The following MRE11 variants were observed in gnomAD, a reference collection of about 807,000 sequenced individuals.
MRE11 encodes MRE11 double strand break repair nuclease, also known as double-strand break repair protein MRE11.
In MRE11, 62 loss-of-function variants were observed where a neutral mutation model predicts 91.7. That is an observed-to-expected ratio of 0.68 (90% confidence interval 0.55 to 0.84). MRE11 has a LOEUF of 0.84. Ranked by LOEUF, MRE11 falls within the 40% of genes least tolerant of loss-of-function variation. The pLI is 0.00. For missense variants in MRE11, 796 were observed against 852.9 expected, an observed-to-expected ratio of 0.93 and a Z score of 0.83; for synonymous variants, 273 against 271.4, an observed-to-expected ratio of 1.01 and a Z score of -0.06.
chr11:94,451,922 C>T (rs1013578567), intron 14 of MRE11, among the ~76,000 whole-genome samples: 1 of 151,968 alleles, frequency 6.6e-6, no homozygotes, highest in African/African-American at 2.4e-5. Flanking sequence ...AGACCAATAC[C>T]CGGCCAGGCG....
chr11:94,500,477 A>T, the MRE11 span, among the ~76,000 whole-genome samples: 1 of 152,218 alleles, frequency 6.6e-6, no homozygotes, highest in African/African-American at 2.4e-5. Flanking sequence ...CTTTGAAAGG[A>T]TTACTTCTAC....
intron 4 of MRE11, among the ~76,000 whole-genome samples, chr11:94,484,344 TCA>T (rs2135115015): frequency 6.6e-6 from 1 of 152,334 alleles, no homozygotes; most frequent in East Asian, 1.9e-4. Flanking sequence ...AATTAGAATA[TCA>T]CAGTTATAAC....
At chr11:94,505,414 T>A in the MRE11 span, among the ~76,000 whole-genome samples, 1 of 152,184 alleles carries the variant, frequency 6.6e-6, no homozygotes, top group Non-Finnish European at 1.5e-5. Context: ...TGTGTTTATG[T>A]CTTTGTTTTT....
intron 14 of MRE11, among the ~76,000 whole-genome samples, chr11:94,453,524 A>G (rs1396123722): frequency 6.6e-6 from 1 of 152,160 alleles, no homozygotes; most frequent in Non-Finnish European, 1.5e-5. Context: ...ATGGGTGTGA[A>G]GTGGTATCTC....
At chr11:94,468,862 T>C (rs950039562) in intron 9 of MRE11, among the ~76,000 whole-genome samples, 4 of 152,170 alleles carry the variant, frequency 2.6e-5, no homozygotes, top group African/African-American at 9.6e-5. Flanking sequence ...TGAATACATA[T>C]CAGACAGCAC....
intron 19 of MRE11, among the ~76,000 whole-genome samples, chr11:94,427,307 A>C (rs573608923): frequency 6.6e-6 from 1 of 152,330 alleles, no homozygotes; most frequent in Admixed American, 6.5e-5. Flanking sequence ...TGATCACTTC[A>C]ACAGACACAG....
intron 13 of MRE11, among the ~76,000 whole-genome samples, chr11:94,459,172 G>C (rs1461304045): frequency 6.6e-6 from 1 of 152,136 alleles, no homozygotes; most frequent in Non-Finnish European, 1.5e-5. Flanking sequence ...GGATCTTTAA[G>C]AGAAGATACT....
chr11:94,474,773 T>C (rs1946809067), intron 7 of MRE11, among the ~76,000 whole-genome samples: 1 of 152,198 alleles, frequency 6.6e-6, no homozygotes, highest in South Asian at 2.1e-4. Flanking sequence ...ATATGGTGAC[T>C]ACCCATTCCC....
intron 13 of MRE11, among the ~76,000 whole-genome samples, chr11:94,459,113 A>T (rs1946344444): frequency 1.3e-5 from 2 of 152,234 alleles, no homozygotes; most frequent in African/African-American, 2.4e-5. Flanking sequence ...AAAAATTAAA[A>T]TGAACAAAAA....
intron 9 of MRE11, among the ~76,000 whole-genome samples, chr11:94,470,016 T>G (rs1946665077): frequency 6.6e-6 from 1 of 151,970 alleles, no homozygotes; most frequent in Admixed American, 6.6e-5. Flanking sequence ...AGCAATAGGG[T>G]GGATAGCAAA....
intron 15 of MRE11, 136 bp downstream of exon 15, chr11:94,447,083 T>C (rs1046033988): frequency 2.3e-5 from 21 of 932,738 alleles, no homozygotes; most frequent in African/African-American, 8.3e-5. Flanking sequence ...ACTGTCTTTA[T>C]ATATTATAAA....
the MRE11 span, among the ~76,000 whole-genome samples, chr11:94,507,944 T>C: frequency 3.3e-5 from 5 of 152,202 alleles, no homozygotes; most frequent in Non-Finnish European, 7.3e-5. Context: ...CTGGTGATTT[T>C]AATGAAGAGA....
rs1428163291 is a variant in MRE11, at chr11:94,416,463, C to T, written c.*3662G>A. ...TGATGAAATGTGGATCTTTTTCATTCAAGAATATGGAAACTCATTGGACTG... is the reference window on the plus strand; with the variant it reads ...TGATGAAATGTGGATCTTTTTCATTTAAGAATATGGAAACTCATTGGACTG... On this transcript the variant is annotated 3_prime_UTR_variant, in exon 20 of 20. Transcript: ENST00000323929. 6.6e-6 allele frequency: 1 copy of T among 151,960 alleles called. No homozygotes were observed. Among genetic ancestry groups the T allele is most frequent in the Non-Finnish European group, 1.5e-5 (1 of 67,978 alleles). The allele number at this position is 151,960 out of a possible 1,614,324, so 9.4% of individuals were successfully genotyped here.
chr11:94,427,707 A>C (rs557518722), intron 19 of MRE11, among the ~76,000 whole-genome samples: 4 of 152,280 alleles, frequency 2.6e-5, no homozygotes, highest in African/African-American at 9.6e-5. Context: ...ATAAAAAAAA[A>C]AAGTGTACAA....
chr11:94,488,951 G>C (rs1292318734), intron 3 of MRE11, among the ~76,000 whole-genome samples: 1 of 151,970 alleles, frequency 6.6e-6, no homozygotes, highest in Non-Finnish European at 1.5e-5. Flanking sequence ...ATAAAAGAAA[G>C]AATCCAGCCA....
intron 1 of MRE11, among the ~76,000 whole-genome samples, chr11:94,493,197 T>G (rs1947338144): frequency 6.6e-6 from 1 of 152,072 alleles, no homozygotes; most frequent in Non-Finnish European, 1.5e-5. Context: ...GCAGAAAGGG[T>G]CACATACGGT....
rs376621889 is a variant in MRE11 at position 94,478,748 on chromosome 11, C to A, written c.531G>T (p.Ala177=). 1.2e-6 allele frequency: 2 copies of A among 1,612,454 alleles called. No homozygotes were observed. The highest frequency in any genetic ancestry group is 2.7e-5 in the African/African-American group (2 of 74,850). Residue 177 remains alanine (A), a synonymous_variant, in exon 6 of 20, where the codon GCG becomes GCT. Coordinates refer to ENST00000323929, the MANE Select transcript of MRE11 (RefSeq NM_005591.4). ...AAACTGTCTTACCTAAACCATATAG[C>A]GCAATCTTTGTGCTTCCTTTTTGAA... ...VLLQKGSTKI[A]LYGLGSIPDE...
chr11:94,479,739 C>T lies in MRE11; in HGVS notation c.337G>A (p.Asp113Asn), dbSNP rs876659042. Residue 113 changes from aspartate (D) to asparagine (N), a missense_variant, in exon 5 of 20, where the codon GAT becomes AAT. By Grantham distance (23) the Asp-to-Asn change is conservative. Coordinates refer to ENST00000323929, the MANE Select transcript of MRE11 (RefSeq NM_005591.4). ...FSKFPWVNYQ[D>N]GNLNISIPVF... is the part of the protein sequence containing the mutation. ...GGAATTGAAATGTTGAGGTTGCCAT[C>T]TTGATAGTTCACCCATGGAAACCTT... is the stretch of plus-strand genomic sequence containing the variant. 1.1e-5 allele frequency: 18 copies of T among 1,612,248 alleles called. No individual in the cohort carries two copies. The highest frequency in any genetic ancestry group is 1.5e-5 in the Non-Finnish European group (18 of 1,179,506).
At chr11:94,485,103 C>T (rs1947105564) in intron 4 of MRE11, among the ~76,000 whole-genome samples, 1 of 151,458 alleles carries the variant, frequency 6.6e-6, no homozygotes, top group African/African-American at 2.4e-5. Context: ...ATCCCAGCTA[C>T]TCACCTGTAA....
Sources: gnomAD v4.1 joint callset for allele counts (sites outside exome capture counted in the v4.1 genomes callset) on GRCh38, gnomAD v4.1.1 for gene constraint, MANE v1.5 for transcripts, NCBI Gene and HGNC (gene_info 2026-07-23, HGNC 2026-07-21) for gene names.